Variants in CAMTA1 observed in about 807,000 individuals in gnomAD.
CAMTA1 encodes calmodulin-binding transcription activator 1.
A neutral mutation model predicts 170.9 loss-of-function variants in CAMTA1; 27 were observed. That is an observed-to-expected ratio of 0.16 (90% CI 0.12 to 0.22). The LOEUF (loss-of-function observed/expected upper bound fraction) is 0.22, where lower values mean the gene tolerates loss of function less well. Among genes scored for constraint, CAMTA1 ranks in the 10% least tolerant of loss-of-function variants. The probability of loss-of-function intolerance (pLI) is 1.00; values close to 1 mark genes in which losing one functional copy is unlikely to be tolerated. For synonymous variants in CAMTA1, 833 were observed against 891.5 expected, an observed-to-expected ratio of 0.93 and a Z score of 1.17; for missense variants, 1,619 against 2,217.2, an observed-to-expected ratio of 0.73 and a Z score of 5.42.
chr1:6,845,938 A>G (rs1657923426), intron 3 of CAMTA1, among the ~76,000 whole-genome samples: 1 of 152,240 alleles, frequency 6.6e-6, no homozygotes, highest in African/African-American at 2.4e-5. Context: ...AGGCCTCACA[A>G]TCATGGCAGA....
intron 3 of CAMTA1, among the ~76,000 whole-genome samples, chr1:6,947,492 C>T (rs931833038): frequency 1.3e-5 from 2 of 151,812 alleles, no homozygotes; most frequent in African/African-American, 4.8e-5. Context: ...TATCTCATCT[C>T]ACCTCAGCCT....
chr1:7,280,064 C>G (rs566529396), intron 5 of CAMTA1, among the ~76,000 whole-genome samples: 2 of 152,308 alleles, frequency 1.3e-5, no homozygotes, highest in East Asian at 1.9e-4. Flanking sequence ...TCTCAGCCCT[C>G]TTTGGATGCC....
intron 3 of CAMTA1, among the ~76,000 whole-genome samples, chr1:6,972,817 C>T (rs986843795): frequency 8.5e-5 from 13 of 152,174 alleles, no homozygotes; most frequent in African/African-American, 2.9e-4. Context: ...ACTCCATCCT[C>T]TTAACAGATT....
chr1:7,683,442 T>C (rs1298527298), intron 11 of CAMTA1, among the ~76,000 whole-genome samples: 1 of 152,020 alleles, frequency 6.6e-6, no homozygotes, highest in Non-Finnish European at 1.5e-5. Flanking sequence ...AGTGAAAGAC[T>C]GGAAGCCCCC....
chr1:7,174,617 G>A (rs1226268588), intron 4 of CAMTA1, among the ~76,000 whole-genome samples: 1 of 152,226 alleles, frequency 6.6e-6, no homozygotes, highest in African/African-American at 2.4e-5. Context: ...TTCTGAGGGG[G>A]CGCCACGAGA....
chr1:7,301,181 A>G (rs1231223501), intron 5 of CAMTA1, among the ~76,000 whole-genome samples: 2 of 152,242 alleles, frequency 1.3e-5, no homozygotes, highest in East Asian at 3.8e-4. Flanking sequence ...GCAGTAATTC[A>G]TCTGAAGCAT....
intron 3 of CAMTA1, among the ~76,000 whole-genome samples, chr1:7,009,009 C>T (rs1699409759): frequency 6.6e-6 from 1 of 152,212 alleles, no homozygotes. Flanking sequence ...TGGGAGCCTC[C>T]AGCATCTTCC....
At chr1:7,647,744 C>G (rs1191418138) in intron 7 of CAMTA1, among the ~76,000 whole-genome samples, 1 of 152,182 alleles carries the variant, frequency 6.6e-6, no homozygotes, top group Non-Finnish European at 1.5e-5. Flanking sequence ...TGACTAGGAA[C>G]AGGTATCCCT....
chr1:7,145,475 A>G (rs1020515886), intron 4 of CAMTA1, among the ~76,000 whole-genome samples: 1 of 152,198 alleles, frequency 6.6e-6, no homozygotes, highest in Non-Finnish European at 1.5e-5. Flanking sequence ...GTAACTTCAG[A>G]GAGAAAATGG....
intron 6 of CAMTA1, among the ~76,000 whole-genome samples, chr1:7,550,226 G>C (rs1284604111): frequency 6.6e-6 from 1 of 152,152 alleles, no homozygotes; most frequent in Non-Finnish European, 1.5e-5. Context: ...AGGAAGAGAA[G>C]CTGATACAGA....
intron 5 of CAMTA1, among the ~76,000 whole-genome samples, chr1:7,384,498 G>A (rs2087712569): frequency 6.6e-6 from 1 of 152,184 alleles, no homozygotes; most frequent in South Asian, 2.1e-4. Flanking sequence ...GGCCTTTTGT[G>A]AATCCGTGGC....
At chr1:7,111,098 G>T (rs139805514) in intron 4 of CAMTA1, among the ~76,000 whole-genome samples, 1 of 152,206 alleles carries the variant, frequency 6.6e-6, no homozygotes, top group Admixed American at 6.5e-5. Context: ...TTGAGAGCCA[G>T]CCACGGAGCA....
Position 7,757,660 on chromosome 1 carries a change from C to A in CAMTA1, c.4989+1992C>A, listed in dbSNP as rs2096940685. On this transcript the variant is annotated intron_variant, in intron 22 of 22. Coordinates refer to ENST00000303635, the MANE Select transcript of CAMTA1 (RefSeq NM_015215.4). ...CGTGTGCAGGAGAATCTGTTGAACC[C>A]GGGAGGCAGAGGTTGCAGTGAGCCA... Among the ~76,000 whole-genome samples the A allele has an allele frequency of 2.0e-5, 3 of 151,826 alleles. No individual in the cohort carries two copies. In the South Asian group the frequency reaches 6.2e-4, roughly 32 times the overall value.
At chr1:7,094,542 T>C (rs1293129030) in intron 4 of CAMTA1, among the ~76,000 whole-genome samples, 1 of 152,172 alleles carries the variant, frequency 6.6e-6, no homozygotes, top group Non-Finnish European at 1.5e-5. Flanking sequence ...AGTTCACATA[T>C]AGATGTTGGT....
chr1:7,708,464 A>G (rs977859215), intron 11 of CAMTA1, among the ~76,000 whole-genome samples: 1 of 152,096 alleles, frequency 6.6e-6, no homozygotes. Context: ...TGCCACTGCT[A>G]TGCAGCCTGG....
intron 5 of CAMTA1, among the ~76,000 whole-genome samples, chr1:7,381,385 A>G (rs1367124661): frequency 1.4e-5 from 2 of 147,332 alleles, no homozygotes; most frequent in African/African-American, 5.0e-5. Flanking sequence ...ATTCCCACCT[A>G]TGAGTGAGAA....
At chr1:7,616,976 T>C (rs113766240) in intron 6 of CAMTA1, among the ~76,000 whole-genome samples, 342 of 152,316 alleles carry the variant, frequency 2.2e-3, no homozygotes, top group African/African-American at 8.0e-3. Flanking sequence ...AGTGCACAGG[T>C]GTCACCCGCA....
rs2095683822 is a variant in CAMTA1 at position 7,633,156 on chromosome 1, C to T, written c.511-7244C>T. Among the ~76,000 whole-genome samples, 1 of 152,214 alleles carries T rather than the reference C, an allele frequency of 6.6e-6. No individual in the cohort carries two copies. The highest frequency in any genetic ancestry group is 2.1e-4 in the South Asian group (1 of 4,834). The stretch of plus-strand genomic sequence containing the variant: ...GCTTGTCCCCCGTCCTCTCTTTGTC[C>T]CTGCAGTTTGGGTGAAAGGTGCCAT... On this transcript the variant is annotated intron_variant, in intron 6 of 22. Coordinates refer to ENST00000303635, the MANE Select transcript of CAMTA1 (RefSeq NM_015215.4). The surrounding 1 kb of genome is among the most constrained non-coding windows in gnomAD (Gnocchi z 4.1).
At position 7,685,052 on chromosome 1, in the gene CAMTA1, G is replaced by A. The variant is rs1055067166; in HGVS notation, c.2914+7319G>A. On this transcript the variant is annotated intron_variant, in intron 11 of 22. Transcript: ENST00000303635. This position sits in a 1 kb window ranked among gnomAD's most constrained non-coding sequence, Gnocchi z 5.7. ...GCGGTCACAGGTGGCATGTTTTGAGGAGTTCGCAGGCACCGTCCCGTGGTC... is the reference window on the plus strand; with the variant it reads ...GCGGTCACAGGTGGCATGTTTTGAGAAGTTCGCAGGCACCGTCCCGTGGTC... 1.6e-4 allele frequency among the ~76,000 whole-genome samples: 25 copies of A among 152,052 alleles called. No individual in the cohort carries two copies. Among genetic ancestry groups the A allele is most frequent in the African/African-American group, 5.8e-4 (24 of 41,418 alleles).
Sources: allele counts gnomAD v4.1 joint callset (sites outside exome capture counted in the v4.1 genomes callset), GRCh38; gene constraint gnomAD v4.1.1; non-coding constraint Gnocchi (gnomAD v3.1); transcripts MANE v1.5; gene names NCBI Gene and HGNC (gene_info 2026-07-23, HGNC 2026-07-21).